The following ARPP21 variants were observed in gnomAD, a reference collection of about 807,000 sequenced individuals.
ARPP21 encodes cAMP regulated phosphoprotein 21.
Under a neutral mutation model 113.2 loss-of-function variants are expected in ARPP21, and 69 were observed. The ratio of observed to expected loss-of-function variants is 0.61; its 90% CI spans 0.50 to 0.74. The LOEUF is 0.74. Ranked by LOEUF, ARPP21 falls within the 30% of genes least tolerant of loss-of-function variation. The pLI, the probability that ARPP21 is intolerant of heterozygous loss-of-function variation, is 0.00. For synonymous variants in ARPP21, 368 were observed against 375.5 expected (o/e 0.98, Z 0.23); for missense variants, 1,070 against 1,037.4 (o/e 1.03, Z -0.43).
intron 5 of ARPP21, among the ~76,000 whole-genome samples, chr3:35,687,010 C>T (rs2080824212): frequency 6.6e-6 from 1 of 150,974 alleles, no homozygotes; most frequent in South Asian, 2.1e-4. Context: ...TTGGAAAGGA[C>T]TAACTGATGC....
intron 4 of ARPP21, among the ~76,000 whole-genome samples, chr3:35,683,208 AT>A (rs1288332849): frequency 6.6e-6 from 1 of 151,584 alleles, no homozygotes; most frequent in Non-Finnish European, 1.5e-5. Flanking sequence ...ACACTTAGAG[AT>A]TTGACAGTAT....
intron 19 of ARPP21, among the ~76,000 whole-genome samples, chr3:35,754,497 A>C (rs992203011): frequency 3.9e-5 from 6 of 151,996 alleles, no homozygotes; most frequent in African/African-American, 1.4e-4. Flanking sequence ...TTCTGAAAAT[A>C]TTAGTTTGAA....
chr3:35,728,310 C>T (rs921727222), intron 14 of ARPP21, among the ~76,000 whole-genome samples: 1 of 149,672 alleles, frequency 6.7e-6, no homozygotes, highest in African/African-American at 2.5e-5. Flanking sequence ...CCTCCACCTC[C>T]CAGGTTCAAG....
At chr3:35,783,264 G>T (rs1460508350) in intron 19 of ARPP21, among the ~76,000 whole-genome samples, 3 of 152,070 alleles carry the variant, frequency 2.0e-5, no homozygotes, top group African/African-American at 7.2e-5. Context: ...CCAAATTTAT[G>T]CCTTTAAGAC....
At chr3:35,785,713 T>G (rs78386527) in intron 19 of ARPP21, among the ~76,000 whole-genome samples, 8,184 of 152,186 alleles carry the variant, frequency 0.054, 693 homozygotes, top group African/African-American at 0.18. Context: ...ACATTCTGTG[T>G]AGTATGAAAG....
chr3:35,682,707 T>C (rs1352899480), intron 3 of ARPP21, 141 bp from the exon 4 acceptor site: 4 of 649,466 alleles, frequency 6.2e-6, no homozygotes, highest in Non-Finnish European at 9.8e-6. Context: ...TGATGTTCTG[T>C]TGCTATTATT....
At chr3:35,709,954 G>C (rs982725500) in intron 11 of ARPP21, among the ~76,000 whole-genome samples, 1 of 152,154 alleles carries the variant, frequency 6.6e-6, no homozygotes, top group African/African-American at 2.4e-5. Flanking sequence ...CAGAGAAGTA[G>C]GCTTCAGTGC....
chr3:35,733,669 G>A (rs1328543791), intron 15 of ARPP21, among the ~76,000 whole-genome samples: 1 of 152,188 alleles, frequency 6.6e-6, no homozygotes, highest in African/African-American at 2.4e-5. Flanking sequence ...AAAACCAATC[G>A]TCACCTATCC....
At chr3:35,714,444 T>G (rs756766849) in intron 11 of ARPP21, among the ~76,000 whole-genome samples, 16 of 152,250 alleles carry the variant, frequency 1.1e-4, no homozygotes, top group Non-Finnish European at 1.8e-4. Flanking sequence ...TCTTTAGTTT[T>G]ATTTTATCTT....
intron 9 of ARPP21, among the ~76,000 whole-genome samples, chr3:35,704,491 A>T (rs1180861775): frequency 6.6e-6 from 1 of 151,908 alleles, no homozygotes; most frequent in Non-Finnish European, 1.5e-5. Context: ...TCACACTTCC[A>T]TGTCTTCCCA....
At chr3:35,703,697 C>G (rs1239490091) in intron 9 of ARPP21, among the ~76,000 whole-genome samples, 1 of 151,488 alleles carries the variant, frequency 6.6e-6, no homozygotes, top group Non-Finnish European at 1.5e-5. Flanking sequence ...ATAGTGAAGT[C>G]TAGTCATCAT....
chr3:35,778,140 A>G (rs535450971), intron 19 of ARPP21, among the ~76,000 whole-genome samples: 2 of 152,326 alleles, frequency 1.3e-5, no homozygotes, highest in South Asian at 2.1e-4. Context: ...CATCTCTTTT[A>G]AAAAATCTTC....
chr3:35,762,434 G>A (rs1168325490), intron 19 of ARPP21, among the ~76,000 whole-genome samples: 1 of 152,036 alleles, frequency 6.6e-6, no homozygotes, highest in Non-Finnish European at 1.5e-5. Flanking sequence ...ATATATGCAG[G>A]TGTGATACTA....
At chr3:35,667,871 G>GAAGAAGAAGAAC (rs2074884062) in intron 1 of ARPP21, among the ~76,000 whole-genome samples, 1 of 133,924 alleles carries the variant, frequency 7.5e-6, no homozygotes, top group East Asian at 2.1e-4. Context: ...AGAAGAAGAA[G>GAAGAAGAAGAAC]AAGAAGAAGA....
At chr3:35,641,980 T>C (rs1698238839) in intron 1 of ARPP21, among the ~76,000 whole-genome samples, 1 of 152,196 alleles carries the variant, frequency 6.6e-6, no homozygotes, top group African/African-American at 2.4e-5. Flanking sequence ...TGCCATTCAA[T>C]AATTAAAATA....
rs749395355 is a variant in ARPP21 at position 35,687,851 on chromosome 3, C to T, written c.374C>T (p.Ser125Phe). The T allele has an allele frequency of 1.3e-6, 2 of 1,588,670 alleles. No individual in the cohort carries two copies. The highest frequency in any genetic ancestry group is 1.4e-5 in the African/African-American group (1 of 72,648). ...AAGGATAAAAACAAAGATAAAACCT[C>T]TGAAAAACCCAAGATCAGAATGTTA... ...KEKDKNKDKT[S>F]EKPKIRMLSK... The change falls in exon 6 of 21, where the codon TCT (serine) becomes TTT (phenylalanine). Residue 125 changes from serine (S) to phenylalanine (F), a missense_variant. Transcript: ENST00000684406.
At chr3:35,736,549 A>G (rs1030639836) in intron 15 of ARPP21, among the ~76,000 whole-genome samples, 23 of 152,224 alleles carry the variant, frequency 1.5e-4, no homozygotes, top group Non-Finnish European at 2.9e-4. Context: ...GCAAAAGAAT[A>G]TATATTAGCT....
At chr3:35,683,856 T>C (rs1237205886) in intron 5 of ARPP21, 41 bp downstream of exon 5, 1 of 1,008,562 alleles carries the variant, frequency 9.9e-7, no homozygotes, top group Admixed American at 1.7e-5. Flanking sequence ...ATGAATGGGA[T>C]CCACCTTTGT....
chr3:35,642,114 A>C (rs1698290503), intron 1 of ARPP21: 2 of 152,198 alleles, frequency 1.3e-5, no homozygotes, highest in South Asian at 2.1e-4. Flanking sequence ...ATTTCACTAC[A>C]TGCTGATTTG....
Sources: gnomAD v4.1 joint callset for allele counts (sites outside exome capture counted in the v4.1 genomes callset) on GRCh38, gnomAD v4.1.1 for gene constraint, MANE v1.5 for transcripts, NCBI Gene and HGNC (gene_info 2026-07-23, HGNC 2026-07-21) for gene names.